FLI1: variants seen among roughly 807,000 people sequenced by gnomAD.
FLI1 encodes the protein Friend leukemia integration 1 transcription factor.
A neutral mutation model predicts 53.1 loss-of-function variants in FLI1; 13 were observed. The ratio of observed to expected loss-of-function variants is 0.24; its 90% CI spans 0.16 to 0.39. The LOEUF (loss-of-function observed/expected upper bound fraction) is 0.39, where lower values mean the gene tolerates loss of function less well. FLI1 is among the 10% of genes least tolerant of loss of function. FLI1 has a pLI of 1.00. For synonymous variants in FLI1, 244 were observed against 236.7 expected, an observed-to-expected ratio of 1.03 and a Z score of -0.28; for missense variants, 424 against 600.5, an observed-to-expected ratio of 0.71 and a Z score of 3.07.
chr11:128,734,090 C>CA (rs1341883333), intron 1 of FLI1, among the ~76,000 whole-genome samples: 1 of 152,204 alleles, frequency 6.6e-6, no homozygotes, highest in Non-Finnish European at 1.5e-5. Context: ...TCTTTGCTAC[C>CA]ACGTGCTGAA....
chr11:128,760,260 C>CAG (rs1253790682), intron 2 of FLI1, among the ~76,000 whole-genome samples: 9 of 152,196 alleles, frequency 5.9e-5, no homozygotes, highest in Non-Finnish European at 1.2e-4. Flanking sequence ...GCAGGGCTTT[C>CAG]AGGGGACAGT....
At chr11:128,798,712 G>A (rs890366915) in intron 5 of FLI1, among the ~76,000 whole-genome samples, 3 of 152,202 alleles carry the variant, frequency 2.0e-5, no homozygotes, top group African/African-American at 7.2e-5. Context: ...CAAGGTCTCA[G>A]TGGATGCCAA....
Position 128,807,187 on chromosome 11 carries a change from C to T in FLI1, c.729C>T (p.Pro243=), listed in dbSNP as rs1441757619. 1 of 1,597,306 alleles carries T rather than the reference C, an allele frequency of 6.3e-7. No individual in the cohort carries two copies. Among genetic ancestry groups the T allele is most frequent in the Non-Finnish European group, 8.5e-7 (1 of 1,171,446 alleles). ...NMNSGLNKSP[P]LGGAQTISKN... ...CTTTCCCTCTTGCCACAGGTCCTCC[C>T]CTTGGAGGGGCACAAACGATCAGTA... The change falls in exon 7 of 9, where the codon CCC becomes CCT. Residue 243 remains proline (P), a synonymous_variant. Coordinates refer to ENST00000527786, the MANE Select transcript of FLI1 (RefSeq NM_002017.5).
chr11:128,729,561 A>T (rs1222123094), intron 1 of FLI1, among the ~76,000 whole-genome samples: 1 of 152,208 alleles, frequency 6.6e-6, no homozygotes, highest in East Asian at 1.9e-4. Context: ...CCCGGGGGAA[A>T]CACGAGTGCA....
rs142028408 is a variant in FLI1 at position 128,736,809 on chromosome 11, T to C, written c.19-21306T>C. The stretch of plus-strand genomic sequence containing the variant: ...ATATTTTCAGTGCAATTTTTATTAG[T>C]TTTCAAAATGCACTTTTGTGGGTAT... On this transcript the variant is annotated intron_variant, in intron 1 of 8. Coordinates refer to ENST00000527786, the MANE Select transcript of FLI1 (RefSeq NM_002017.5). Among the ~76,000 whole-genome samples the C allele has an allele frequency of 7.5e-3, 1,139 of 152,302 alleles. 25 individuals are homozygous for C. Among genetic ancestry groups the C allele is most frequent in the African/African-American group, 0.026 (1,087 of 41,544 alleles).
At chr11:128,692,929 C>A (rs532850831), upstream of FLI1, 1 of 152,374 alleles carries the variant, frequency 6.6e-6, no homozygotes, top group Admixed American at 6.5e-5. Context: ...GGCCGGGGAA[C>A]GCCGGCCTCC....
At chr11:128,793,053 G>A (rs1041824487) in intron 5 of FLI1, among the ~76,000 whole-genome samples, 7 of 152,158 alleles carry the variant, frequency 4.6e-5, no homozygotes, top group African/African-American at 1.4e-4. Flanking sequence ...GGGAGATCGA[G>A]GCTGCCATGA....
intron 1 of FLI1, among the ~76,000 whole-genome samples, chr11:128,687,205 T>C (rs1349585653): frequency 6.6e-6 from 1 of 152,128 alleles, no homozygotes; most frequent in Non-Finnish European, 1.5e-5. Flanking sequence ...CCCACCTTCT[T>C]TGGCCCCGCC....
upstream of FLI1, chr11:128,694,069 T>C: frequency 4.3e-6 from 2 of 461,734 alleles, no homozygotes; most frequent in Non-Finnish European, 7.6e-6. Flanking sequence ...TCCGGTTAAC[T>C]GTCTCTTTCG....
At chr11:128,789,693 T>C (rs1942207510) in intron 5 of FLI1, among the ~76,000 whole-genome samples, 1 of 152,114 alleles carries the variant, frequency 6.6e-6, no homozygotes, top group Admixed American at 6.5e-5. Flanking sequence ...CAGCCTTGTG[T>C]GTGTGTCTGT....
At chr11:128,745,846 C>T (rs1385330319) in intron 1 of FLI1, among the ~76,000 whole-genome samples, 1 of 152,190 alleles carries the variant, frequency 6.6e-6, no homozygotes, top group Non-Finnish European at 1.5e-5. Context: ...GTGAAGCCCC[C>T]CCATATGCAT....
At chr11:128,732,009 A>AAG (rs1555112912) in intron 1 of FLI1, among the ~76,000 whole-genome samples, 2 of 151,742 alleles carry the variant, frequency 1.3e-5, no homozygotes, top group South Asian at 2.1e-4. Flanking sequence ...TCTCAAAAAA[A>AAG]AAAAGAAAAG....
At chr11:128,737,489 G>T (rs900243286) in intron 1 of FLI1, among the ~76,000 whole-genome samples, 3 of 152,178 alleles carry the variant, frequency 2.0e-5, no homozygotes, top group African/African-American at 7.2e-5. Flanking sequence ...CAAGAATGTA[G>T]TCCAGCTCTG....
At chr11:128,786,192 C>G (rs1352416903) in intron 5 of FLI1, among the ~76,000 whole-genome samples, 2 of 152,104 alleles carry the variant, frequency 1.3e-5, no homozygotes, top group Non-Finnish European at 2.9e-5. Context: ...CTTTATAGAA[C>G]AGAGACAAAC....
chr11:128,692,340 C>A (rs1004142192), upstream of FLI1, among the ~76,000 whole-genome samples: 1 of 152,134 alleles, frequency 6.6e-6, no homozygotes, highest in Non-Finnish European at 1.5e-5. Flanking sequence ...CTAGCGGTAA[C>A]CAGATGTGGC....
chr11:128,731,975 G>C (rs642107), intron 1 of FLI1, among the ~76,000 whole-genome samples: 124,102 of 151,324 alleles, frequency 0.82, 51,387 homozygotes, highest in East Asian at 0.96. Flanking sequence ...TGTGCTCCAG[G>C]CTGGTGGACA....
At chr11:128,765,526 C>A (rs985368392) in intron 2 of FLI1, among the ~76,000 whole-genome samples, 4 of 152,216 alleles carry the variant, frequency 2.6e-5, no homozygotes, top group Non-Finnish European at 5.9e-5. Context: ...TCCCACCATC[C>A]TGCCCCCTGC....
intron 5 of FLI1, among the ~76,000 whole-genome samples, chr11:128,794,225 G>A (rs779469421): frequency 1.6e-4 from 24 of 152,122 alleles, no homozygotes; most frequent in Middle Eastern, 3.2e-3. Context: ...AGTGATCCCC[G>A]TTGGCCATTT....
chr11:128,725,813 C>A (rs1293564622), intron 1 of FLI1, among the ~76,000 whole-genome samples: 2 of 152,108 alleles, frequency 1.3e-5, no homozygotes, highest in Non-Finnish European at 2.9e-5. Flanking sequence ...CTAAAAGTGG[C>A]AGTCCGTGCA....
Sources: allele counts gnomAD v4.1 joint callset (sites outside exome capture counted in the v4.1 genomes callset), GRCh38; gene constraint gnomAD v4.1.1; transcripts MANE v1.5; gene names NCBI Gene and HGNC (gene_info 2026-07-23, HGNC 2026-07-21).